The following ARHGEF12 variants were observed in gnomAD, a reference collection of about 807,000 sequenced individuals.
ARHGEF12 encodes the protein KMT2A/ARHGEF12 fusion protein.
In ARHGEF12, 66 loss-of-function variants were observed where a neutral mutation model predicts 211.2. The ratio of observed to expected loss-of-function variants is 0.31; its 90% confidence interval spans 0.26 to 0.38. ARHGEF12 has a LOEUF of 0.38. Among genes scored for constraint, ARHGEF12 ranks in the 10% least tolerant of loss-of-function variants. The pLI is 1.00. For missense variants in ARHGEF12, 1,429 were observed against 1,869.5 expected (o/e 0.76, Z 4.34); for synonymous variants, 592 against 638.4 (o/e 0.93, Z 1.09).
chr11:120,472,953 C>A, intron 30 of ARHGEF12, 97 bp from the exon 31 acceptor site: 1 of 1,205,690 alleles, frequency 8.3e-7, no homozygotes, highest in Non-Finnish European at 1.2e-6. Flanking sequence ...CCACGCCTGG[C>A]CAAAATGGAG....
intron 26 of ARHGEF12, among the ~76,000 whole-genome samples, 196 bp downstream of exon 26, chr11:120,459,516 A>G (rs1946460584): frequency 6.6e-6 from 1 of 152,200 alleles, no homozygotes; most frequent in Non-Finnish European, 1.5e-5. Flanking sequence ...ATGTGTCAAC[A>G]TAGGGCTTCC....
intron 6 of ARHGEF12, among the ~76,000 whole-genome samples, chr11:120,422,063 A>T (rs1424382102): frequency 1.3e-5 from 2 of 152,178 alleles, no homozygotes; most frequent in African/African-American, 4.8e-5. Context: ...ATAATGGAGG[A>T]ATATATGTTC....
At chr11:120,425,735 C>T (rs573226014) in intron 7 of ARHGEF12, among the ~76,000 whole-genome samples, 32 of 144,856 alleles carry the variant, frequency 2.2e-4, no homozygotes, top group African/African-American at 7.8e-4. Context: ...TGGTTTGGGC[C>T]GTATGTATTT....
intron 1 of ARHGEF12, among the ~76,000 whole-genome samples, chr11:120,404,894 A>G (rs530169473): frequency 1.2e-3 from 176 of 152,244 alleles, no homozygotes; most frequent in Admixed American, 1.7e-3. Context: ...AGGAACTCCT[A>G]TTTCTGAAGA....
Position 120,429,431 on chromosome 11 carries a change from C to A in ARHGEF12, c.586-9C>A, listed in dbSNP as rs750216476. ...GTTGTTGTTTGTTTTTTATCTTTTT[C>A]TTTTCTAGGAGGAAAACAATGTGGT... On this transcript the variant is annotated splice_polypyrimidine_tract_variant and intron_variant, in intron 8 of 40. Transcript: ENST00000397843. 3.1e-6 allele frequency: 5 copies of A among 1,601,496 alleles called. No homozygotes were observed. The highest frequency in any genetic ancestry group is 1.7e-4 in the Middle Eastern group (1 of 5,940).
chr11:120,425,192 G>A (rs937659170), intron 7 of ARHGEF12, among the ~76,000 whole-genome samples: 4 of 152,126 alleles, frequency 2.6e-5, no homozygotes, highest in Non-Finnish European at 5.9e-5. Flanking sequence ...AGGTTCAGTG[G>A]CCCTGTGAGC....
At chr11:120,466,024 TA>T (rs1699273074) in intron 28 of ARHGEF12, among the ~76,000 whole-genome samples, 1 of 152,238 alleles carries the variant, frequency 6.6e-6, no homozygotes, top group Non-Finnish European at 1.5e-5. Flanking sequence ...TAAGGGTTGG[TA>T]AACTATGGCC....
chr11:120,414,620 A>T (rs1027261221), intron 4 of ARHGEF12, among the ~76,000 whole-genome samples: 1 of 152,202 alleles, frequency 6.6e-6, no homozygotes, highest in South Asian at 2.1e-4. Flanking sequence ...TGATAGAGAT[A>T]TGCACTCATT....
At chr11:120,456,630 A>C (rs979962006) in intron 22 of ARHGEF12, among the ~76,000 whole-genome samples, 6 of 152,234 alleles carry the variant, frequency 3.9e-5, no homozygotes, top group African/African-American at 1.4e-4. Context: ...GTTGTTCCTC[A>C]TCATATACTC....
chr11:120,360,417 A>G (rs1473544830), intron 1 of ARHGEF12, among the ~76,000 whole-genome samples: 1 of 152,042 alleles, frequency 6.6e-6, no homozygotes, highest in Admixed American at 6.6e-5. Context: ...TTTTGAGACA[A>G]GGTCTCACTC....
chr11:120,466,336 G>A (rs779300179), intron 28 of ARHGEF12, among the ~76,000 whole-genome samples: 3 of 152,232 alleles, frequency 2.0e-5, no homozygotes, highest in Non-Finnish European at 2.9e-5. Context: ...CTAGAGAACA[G>A]AGAGATCTCT....
At chr11:120,344,813 A>T (rs1405142335) in intron 1 of ARHGEF12, among the ~76,000 whole-genome samples, 1 of 152,260 alleles carries the variant, frequency 6.6e-6, no homozygotes, top group Non-Finnish European at 1.5e-5. Context: ...AGTCATTTGC[A>T]GGTTACTGCT....
chr11:120,472,407 T>A (rs1345428000), intron 30 of ARHGEF12, among the ~76,000 whole-genome samples: 2 of 152,092 alleles, frequency 1.3e-5, no homozygotes, highest in East Asian at 1.9e-4. Flanking sequence ...GGTGGGGCAA[T>A]AGGACAAGGT....
At chr11:120,404,711 A>G (rs1381878640) in intron 1 of ARHGEF12, among the ~76,000 whole-genome samples, 2 of 152,238 alleles carry the variant, frequency 1.3e-5, no homozygotes, top group East Asian at 3.9e-4. Context: ...TTAGGGTAGG[A>G]GTTTTTATAA....
intron 1 of ARHGEF12, among the ~76,000 whole-genome samples, chr11:120,340,983 C>T (rs1225307159): frequency 6.6e-6 from 1 of 152,168 alleles, no homozygotes; most frequent in Non-Finnish European, 1.5e-5. Context: ...GAAATCATTA[C>T]AAAAATATGT....
In ARHGEF12 at chr11:120,442,396, A is replaced by C. The variant is rs1156266124; in HGVS notation, c.1302+194A>C. Among the ~76,000 whole-genome samples the C allele has an allele frequency of 2.7e-5, 4 of 149,540 alleles. No individual in the cohort carries two copies. The East Asian group carries it at 7.8e-4, about 29-fold the overall frequency. On this transcript the variant is annotated intron_variant, in intron 15 of 40. Coordinates refer to ENST00000397843, the MANE Select transcript of ARHGEF12 (RefSeq NM_015313.3). ...GTAGTTTAGGCATATGAATTCTCAC[A>C]GTAGGTTTTAGGGGATTATATATAT...
At chr11:120,448,019 G>A in intron 19 of ARHGEF12, 113 bp downstream of exon 19, 1 of 897,870 alleles carries the variant, frequency 1.1e-6, no homozygotes, top group South Asian at 1.8e-5. Flanking sequence ...ACAGTTTGTG[G>A]TCTCTCTCTG....
At chr11:120,399,962 C>T (rs1407657216) in intron 1 of ARHGEF12, among the ~76,000 whole-genome samples, 1 of 152,062 alleles carries the variant, frequency 6.6e-6, no homozygotes, top group Non-Finnish European at 1.5e-5. Context: ...ATAAAGTTCT[C>T]AAGCTCAGAC....
chr11:120,478,535 C>G, intron 37 of ARHGEF12, 146 bp downstream of exon 37: 4 of 745,568 alleles, frequency 5.4e-6, no homozygotes, highest in Non-Finnish European at 8.7e-6. Flanking sequence ...GCCCATGCCA[C>G]AGGCACACAC....
Sources: allele counts gnomAD v4.1 joint callset (sites outside exome capture counted in the v4.1 genomes callset), GRCh38; gene constraint gnomAD v4.1.1; transcripts MANE v1.5; gene names NCBI Gene and HGNC (gene_info 2026-07-23, HGNC 2026-07-21).